Variants in GREM2 observed in about 807,000 individuals in gnomAD.
GREM2 encodes the protein gremlin-2.
In GREM2, 11 loss-of-function variants were observed where a neutral mutation model predicts 14.2. The ratio of observed to expected loss-of-function variants is 0.78; its 90% CI spans 0.49 to 1.28. The LOEUF is 1.28. Among genes scored for constraint, GREM2 ranks in the 50% most tolerant of loss-of-function variants. The probability of loss-of-function intolerance (pLI) is 0.00; values close to 1 mark genes in which losing one functional copy is unlikely to be tolerated. For missense variants in GREM2, 210 were observed against 218.5 expected (o/e 0.96, Z 0.24); for synonymous variants, 98 against 97.6 (o/e 1.00, Z -0.02).
intron 1 of GREM2, among the ~76,000 whole-genome samples, chr1:240,536,641 G>A (rs1008966210): frequency 1.1e-4 from 14 of 126,670 alleles, no homozygotes; most frequent in African/African-American, 4.0e-4. Flanking sequence ...AAATGGCAGC[G>A]GGGGCTGTAG....
intron 1 of GREM2, among the ~76,000 whole-genome samples, chr1:240,532,193 C>G (rs1678376453): frequency 6.6e-6 from 1 of 152,088 alleles, no homozygotes; most frequent in African/African-American, 2.4e-5. Context: ...AAGTGATTCT[C>G]CTGCCTCAGT....
At chr1:240,572,660 C>T (rs2103365360) in intron 1 of GREM2, among the ~76,000 whole-genome samples, 1 of 152,248 alleles carries the variant, frequency 6.6e-6, no homozygotes, top group Middle Eastern at 3.4e-3. Flanking sequence ...AATTCTTGTT[C>T]CTTATAGATA....
chr1:240,493,552 T>TTTTA, intron 1 of GREM2, 76 bp from the exon 2 acceptor site: 4 of 1,414,852 alleles, frequency 2.8e-6, no homozygotes, highest in Non-Finnish European at 2.8e-6. Flanking sequence ...TTTTTTTTTT[T>TTTTA]ATTTTAGACA....
At chr1:240,520,302 A>G (rs1678055601) in intron 1 of GREM2, among the ~76,000 whole-genome samples, 1 of 152,074 alleles carries the variant, frequency 6.6e-6, no homozygotes. Flanking sequence ...CTGGTGGTCA[A>G]CTAGTCCATT....
At chr1:240,582,427 C>A (rs1679502998) in intron 1 of GREM2, among the ~76,000 whole-genome samples, 2 of 151,948 alleles carry the variant, frequency 1.3e-5, no homozygotes, top group African/African-American at 4.8e-5. Context: ...AAGAGTGAAA[C>A]TCCATCACAC....
intron 1 of GREM2, among the ~76,000 whole-genome samples, chr1:240,597,766 G>A (rs967376232): frequency 3.9e-5 from 6 of 152,144 alleles, no homozygotes; most frequent in African/African-American, 1.4e-4. Flanking sequence ...AGCATTATCT[G>A]TGTCTTTGTT....
At chr1:240,577,338 A>C (rs1679391291) in intron 1 of GREM2, among the ~76,000 whole-genome samples, 1 of 152,232 alleles carries the variant, frequency 6.6e-6, no homozygotes, top group Admixed American at 6.5e-5. Context: ...AGGAAAAAAA[A>C]AATGGAAAAA....
intron 1 of GREM2, among the ~76,000 whole-genome samples, chr1:240,539,068 A>C (rs1678536307): frequency 6.6e-6 from 1 of 152,216 alleles, no homozygotes. Context: ...ATAGAATTTC[A>C]GAATTAGAGA....
intron 1 of GREM2, among the ~76,000 whole-genome samples, chr1:240,550,637 T>C (rs566126587): frequency 2.2e-4 from 34 of 152,334 alleles, no homozygotes; most frequent in African/African-American, 8.2e-4. Flanking sequence ...AATAGAACTC[T>C]ACTAAGTATC....
chr1:240,602,377 T>G (rs1240663826), intron 1 of GREM2, among the ~76,000 whole-genome samples: 1 of 152,206 alleles, frequency 6.6e-6, no homozygotes, highest in Non-Finnish European at 1.5e-5. Flanking sequence ...TTAATTTATT[T>G]TTTTTTAAAT....
intron 1 of GREM2, among the ~76,000 whole-genome samples, chr1:240,496,675 CCTG>C (rs1364810392): frequency 1.3e-5 from 2 of 152,318 alleles, no homozygotes; most frequent in South Asian, 2.1e-4. Context: ...TGCCATGTCT[CCTG>C]CTCTCAGAAC....
intron 1 of GREM2, among the ~76,000 whole-genome samples, chr1:240,527,662 C>A (rs192080316): frequency 2.0e-5 from 3 of 152,126 alleles, no homozygotes; most frequent in Admixed American, 1.3e-4. Flanking sequence ...CTCATTTATT[C>A]AATGTGTATT....
chr1:240,504,848 C>T (rs1442069419), intron 1 of GREM2, among the ~76,000 whole-genome samples: 2 of 151,998 alleles, frequency 1.3e-5, no homozygotes, highest in Non-Finnish European at 2.9e-5. Context: ...CAAGACATTG[C>T]TGTTAAGAAA....
intron 1 of GREM2, among the ~76,000 whole-genome samples, chr1:240,535,902 A>G (rs907736564): frequency 6.6e-6 from 1 of 152,164 alleles, no homozygotes; most frequent in African/African-American, 2.4e-5. Flanking sequence ...ATGAAAACCA[A>G]CAGAAAGACG....
intron 1 of GREM2, among the ~76,000 whole-genome samples, chr1:240,503,866 C>T (rs532445975): frequency 6.6e-6 from 1 of 152,148 alleles, no homozygotes; most frequent in Non-Finnish European, 1.5e-5. Context: ...TTTTCTCCCC[C>T]ACTGGAGTCT....
intron 1 of GREM2, among the ~76,000 whole-genome samples, chr1:240,557,274 AG>A (rs1678968219): frequency 6.6e-6 from 1 of 152,102 alleles, no homozygotes; most frequent in Non-Finnish European, 1.5e-5. Context: ...CCAGCAGGGA[AG>A]AAATCATTAA....
intron 1 of GREM2, among the ~76,000 whole-genome samples, chr1:240,594,065 T>C (rs1261981619): frequency 6.6e-6 from 1 of 152,086 alleles, no homozygotes; most frequent in Non-Finnish European, 1.5e-5. Flanking sequence ...GTAATCCTCC[T>C]GCTGCGGCCT....
chr1:240,518,215 A>G (rs1206482998), intron 1 of GREM2, among the ~76,000 whole-genome samples: 1 of 152,210 alleles, frequency 6.6e-6, no homozygotes, highest in Non-Finnish European at 1.5e-5. Context: ...ACATCAGCCA[A>G]AAAGTTGTTT....
chr1:240,590,491 G>GA (rs1208917159), intron 1 of GREM2, among the ~76,000 whole-genome samples: 8 of 151,264 alleles, frequency 5.3e-5, no homozygotes, highest in East Asian at 1.9e-4. Context: ...ATGTAATGGG[G>GA]CGATCCTGGC....
Sources: allele counts gnomAD v4.1 joint callset (sites outside exome capture counted in the v4.1 genomes callset), GRCh38; gene constraint gnomAD v4.1.1; transcripts MANE v1.5; gene names NCBI Gene and HGNC (gene_info 2026-07-23, HGNC 2026-07-21).